The following TMEM176B variants were observed in gnomAD, a reference collection of about 807,000 sequenced individuals.
The protein encoded by TMEM176B is transmembrane protein 176B, also known as LR8-like protein.
TMEM176B carries 28 observed loss-of-function variants against 30.3 expected under a neutral mutation model. That is an observed-to-expected ratio of 0.92 (90% CI 0.68 to 1.27). The LOEUF (loss-of-function observed/expected upper bound fraction) is 1.27, where lower values mean the gene tolerates loss of function less well. Among genes scored for constraint, TMEM176B ranks in the 50% most tolerant of loss-of-function variants. The pLI, the probability that TMEM176B is intolerant of heterozygous loss-of-function variation, is 0.00. For missense variants in TMEM176B, 349 were observed against 327.4 expected (o/e 1.07, Z -0.51); for synonymous variants, 123 against 130.3 (o/e 0.94, Z 0.38).
In TMEM176B at chr7:150,792,167, G is replaced by C. The variant is rs1563028911; in HGVS notation, c.609C>G (p.Phe203Leu). 6.2e-7 allele frequency: 1 copy of C among 1,613,474 alleles called. No individual in the cohort carries two copies. Among genetic ancestry groups the C allele is most frequent in the African/African-American group, 1.3e-5 (1 of 74,890 alleles). Residue 203 changes from phenylalanine to leucine, a missense_variant, in exon 6 of 7, where the codon TTC becomes TTG. Physicochemically the swap from Phe to Leu is conservative, Grantham distance 22. Coordinates refer to ENST00000326442, the MANE Select transcript of TMEM176B (RefSeq NM_001101312.2). ...RAYMQMLRKL[F>L]TAIRALFLAV... ...CCAGGAACAGGGCACGGATTGCTGT[G>C]AACAACTTCTGGAGATAAGGGAAGA...
intron 1 of TMEM176B, chr7:150,796,784 C>T: frequency 1.8e-6 from 1 of 546,160 alleles, no homozygotes; most frequent in Non-Finnish European, 3.3e-6. Flanking sequence ...TGTGGCAAAA[C>T]TCCCTCTCTA....
chr7:150,798,020 C>T (rs936992250), intron 1 of TMEM176B, among the ~76,000 whole-genome samples: 1 of 152,186 alleles, frequency 6.6e-6, no homozygotes, highest in African/African-American at 2.4e-5. Flanking sequence ...GGGAAAAATG[C>T]ATTGATTTTA....
rs1451753088 is a variant in TMEM176B at position 150,796,542 on chromosome 7, C to T, written c.28G>A (p.Gly10Arg). Residue 10 changes from glycine (G) to arginine (R), a missense_variant, in exon 2 of 7, where the codon GGA becomes AGA. Coordinates refer to ENST00000326442, the MANE Select transcript of TMEM176B (RefSeq NM_001101312.2). MTQNTVIVN[G>R]VAMASRPSQP... The stretch of plus-strand genomic sequence containing the variant: ...GATGGCCTAGAGGCCATAGCAACTC[C>T]ATTCACAATCACCGTGTTTTGCGTC... 3 of 1,614,048 alleles carry T rather than the reference C, an allele frequency of 1.9e-6. No homozygotes were observed. The highest frequency in any genetic ancestry group is 1.3e-5 in the African/African-American group (1 of 74,942).
At chr7:150,791,770 G>A in intron 6 of TMEM176B, 147 bp from the exon 7 acceptor site, 1 of 847,274 alleles carries the variant, frequency 1.2e-6, no homozygotes, top group Non-Finnish European at 1.8e-6. Flanking sequence ...AAACAAGGTG[G>A]CAGAGGAAGG....
chr7:150,798,553 G>T (rs1484660656), intron 1 of TMEM176B, among the ~76,000 whole-genome samples: 1 of 152,102 alleles, frequency 6.6e-6, no homozygotes, highest in Non-Finnish European at 1.5e-5. Flanking sequence ...GAGATTACAG[G>T]CGTGAGCCAC....
Position 150,791,314 on chromosome 7 carries a change from T to G in TMEM176B, c.*217A>C. 2.1e-6 allele frequency: 1 copy of G among 465,902 alleles called. No individual in the cohort carries two copies. The highest frequency in any genetic ancestry group is 3.8e-6 in the Non-Finnish European group (1 of 262,556). The allele number at this position is 465,902 out of a possible 1,614,324, so 28.9% of individuals were successfully genotyped here. ...TCTGGGCAAAACTGCTTTTCTGGAT[T>G]GTTTATTATGTTTAATCAGCATTGT... On this transcript the variant is annotated 3_prime_UTR_variant, in exon 7 of 7. Transcript: ENST00000326442.
upstream of TMEM176B, chr7:150,801,100 C>G: frequency 1.7e-6 from 1 of 584,048 alleles, no homozygotes; most frequent in Non-Finnish European, 2.2e-6. Context: ...ATGGGGGTAT[C>G]CGGAGCGCAG....
intron 1 of TMEM176B, among the ~76,000 whole-genome samples, chr7:150,799,660 G>A (rs548835524): frequency 6.6e-6 from 1 of 152,338 alleles, no homozygotes; most frequent in South Asian, 2.1e-4. Flanking sequence ...TTCCGCACAC[G>A]TACAAAGGAG....
upstream of TMEM176B, chr7:150,800,926 CCCAGGGATGA>C (rs1231816414): frequency 1.0e-6 from 1 of 985,502 alleles, no homozygotes; most frequent in Non-Finnish European, 1.2e-6. Context: ...GGGACCCCCA[CCCAGGGATGA>C]CACTCCAGGA....
intron 1 of TMEM176B, among the ~76,000 whole-genome samples, chr7:150,799,035 C>A (rs1416299973): frequency 6.6e-6 from 1 of 152,170 alleles, no homozygotes; most frequent in African/African-American, 2.4e-5. Flanking sequence ...AAATAATCTT[C>A]CACATTTTCT....
chr7:150,798,859 T>C (rs1035653611), intron 1 of TMEM176B, among the ~76,000 whole-genome samples: 1 of 152,214 alleles, frequency 6.6e-6, no homozygotes, highest in Non-Finnish European at 1.5e-5. Flanking sequence ...GTTCTTTATC[T>C]ATTCACAAAA....
In TMEM176B at chr7:150,796,417, C is replaced by A. The variant is rs774183764; in HGVS notation, c.153G>T (p.Gly51=). ...TCCTGGCTGTGGAAGGCACAGTGTC[C>A]CCAGGGTGAAAAAGAAACTTCTTCA... ...GSLKKFLFHP[G]DTVPSTARIG... Residue 51 remains glycine (G), a synonymous_variant, in exon 2 of 7, where the codon GGG becomes GGT. Transcript: ENST00000326442. The A allele has an allele frequency of 2.9e-5, 47 of 1,614,070 alleles. No homozygotes were observed. The highest frequency in any genetic ancestry group is 1.7e-6 in the Non-Finnish European group (2 of 1,180,044).
At chr7:150,793,885 C>A in intron 3 of TMEM176B, 76 bp downstream of exon 3, 1 of 1,335,928 alleles carries the variant, frequency 7.5e-7, no homozygotes, top group Non-Finnish European at 1.0e-6. Context: ...CCCAAAGCCC[C>A]AACCAAGATC....
intron 1 of TMEM176B, 146 bp from the exon 2 acceptor site, chr7:150,796,720 A>G: frequency 8.9e-6 from 7 of 787,932 alleles, no homozygotes; most frequent in Non-Finnish European, 1.2e-5. Flanking sequence ...GTGCTTTGGG[A>G]GGCTGAGGTG....
rs778630442 is a variant in TMEM176B at position 150,793,969 on chromosome 7, C to T, written c.307G>A (p.Gly103Arg). The stretch of plus-strand genomic sequence containing the variant: ...GCCTGTTCCTTACTCACCACAGACC[C>T]CGCCCAGAAGGCACAGCCTGAGGCA... ...LSASGCAFWA[G>R]SVVIAAGAGA... Residue 103 changes from glycine (G) to arginine (R), a missense_variant, in exon 3 of 7, where the codon GGG becomes AGG. Physicochemically the swap from Gly to Arg is moderately radical, Grantham distance 125 (BLOSUM62 -2). Coordinates refer to ENST00000326442, the MANE Select transcript of TMEM176B (RefSeq NM_001101312.2). 6.2e-7 allele frequency: 1 copy of T among 1,606,242 alleles called. No individual in the cohort carries two copies. The highest frequency in any genetic ancestry group is 1.1e-5 in the South Asian group (1 of 89,908).
intron 3 of TMEM176B, 67 bp from the exon 4 acceptor site, chr7:150,793,667 A>G: frequency 6.5e-7 from 1 of 1,542,080 alleles, no homozygotes; most frequent in East Asian, 2.3e-5. Flanking sequence ...TCACCCTCCC[A>G]CCAGCAGTTC....
At chr7:150,798,751 A>T (rs1469250789) in intron 1 of TMEM176B, among the ~76,000 whole-genome samples, 1 of 152,052 alleles carries the variant, frequency 6.6e-6, no homozygotes, top group Non-Finnish European at 1.5e-5. Flanking sequence ...TTGTCTTTTC[A>T]TATGTTCAGG....
chr7:150,796,624 A>G (rs1178357846), intron 1 of TMEM176B, 50 bp from the exon 2 acceptor site: 3 of 1,553,784 alleles, frequency 1.9e-6, no homozygotes, highest in Non-Finnish European at 1.8e-6. Flanking sequence ...TAGGCGAGGG[A>G]AAAATACACA....
At position 150,791,621 on chromosome 7, in the gene TMEM176B, A is replaced by G; in HGVS notation, c.723T>C (p.Asn241=). 1 of 1,613,284 alleles carries G rather than the reference A, an allele frequency of 6.2e-7. No individual in the cohort carries two copies. The highest frequency in any genetic ancestry group is 8.5e-7 in the Non-Finnish European group (1 of 1,179,648). The change falls in exon 7 of 7, where the codon AAT becomes AAC. Residue 241 remains asparagine, a splice_region_variant and synonymous_variant. Transcript: ENST00000326442. The part of the protein sequence containing the change: ...NLCGQSSQPL[N]EEGSEKRLLG... ...GTAGCCTCTTCTCTGATCCTTCCTC[A>G]TTCTGGAAAAAAAAGAAAAAAGAAA...
Sources: gnomAD v4.1 joint callset for allele counts (sites outside exome capture counted in the v4.1 genomes callset) on GRCh38, gnomAD v4.1.1 for gene constraint, MANE v1.5 for transcripts, NCBI Gene and HGNC (gene_info 2026-07-23, HGNC 2026-07-21) for gene names.